Variants in EIF2S2 observed in about 807,000 individuals in gnomAD.
The protein encoded by EIF2S2 is eukaryotic translation initiation factor 2 subunit beta.
EIF2S2 carries 4 observed loss-of-function variants against 44.0 expected under a neutral mutation model. The ratio of observed to expected loss-of-function variants is 0.09; its 90% confidence interval spans 0.04 to 0.21. The LOEUF (loss-of-function observed/expected upper bound fraction) is 0.21. EIF2S2 is among the 10% of genes least tolerant of loss of function. EIF2S2 has a pLI of 1.00. For synonymous variants in EIF2S2, 108 were observed against 128.3 expected (o/e 0.84, Z 1.07); for missense variants, 154 against 392.0 (o/e 0.39, Z 5.13).
At chr20:34,097,558 CTACAA>C in intron 4 of EIF2S2, 42 bp from the exon 5 acceptor site, 1 of 1,542,048 alleles carries the variant, frequency 6.5e-7, no homozygotes, top group Non-Finnish European at 8.9e-7. Context: ...GTGGGCCCTA[CTACAA>C]TACAAAAGTG....
At chr20:34,104,499 T>C (rs893461628) in intron 2 of EIF2S2, among the ~76,000 whole-genome samples, 1 of 152,180 alleles carries the variant, frequency 6.6e-6, no homozygotes, top group Non-Finnish European at 1.5e-5. Flanking sequence ...ATATGCCTTG[T>C]TCACCTAAAT....
In EIF2S2 at chr20:34,088,974, A is replaced by G. The variant is rs373932006; in HGVS notation, c.*756T>C. 6.6e-6 allele frequency: 1 copy of G among 152,616 alleles called. No homozygotes were observed. The highest frequency in any genetic ancestry group is 1.9e-4 in the East Asian group (1 of 5,168). The allele number at this position is 152,616 out of a possible 1,614,324, so 9.5% of individuals were successfully genotyped here. A position where few individuals can be genotyped will look rare whatever the true frequency, so the allele number is the denominator to read the frequency against. On this transcript the variant is annotated 3_prime_UTR_variant, in exon 9 of 9. Coordinates refer to ENST00000374980, the MANE Select transcript of EIF2S2 (RefSeq NM_003908.5). ...ACCGCACACACATCGCTTCCTCACCAAGAGAGATGCTCAACTAGGATCTTT... is the reference window on the plus strand; with the variant it reads ...ACCGCACACACATCGCTTCCTCACCGAGAGAGATGCTCAACTAGGATCTTT...
In EIF2S2 at chr20:34,093,704, A is replaced by G. The variant is rs1467413622; in HGVS notation, c.711T>C (p.Leu237=). The G allele has an allele frequency of 1.9e-6, 3 of 1,609,148 alleles. No individual in the cohort carries two copies. The South Asian group carries it at 3.3e-5, about 18-fold the overall frequency. Residue 237 remains leucine (L), a synonymous_variant, in exon 7 of 9, where the codon CTT becomes CTC. Transcript: ENST00000374980. ...KLLHRQPKHL[L]AFLLAELGTS... ...TACCCAATTCAGCCAACAAAAATGC[A>G]AGGAGATGTTTGGGCTGACGATGTA...
At chr20:34,097,640 C>T (rs1471115921) in intron 4 of EIF2S2, 124 bp from the exon 5 acceptor site, 2 of 685,474 alleles carry the variant, frequency 2.9e-6, no homozygotes, top group Non-Finnish European at 4.8e-6. Flanking sequence ...GCATTCACAA[C>T]AGCCTTAAGC....
chr20:34,088,577 T>C lies in EIF2S2; in HGVS notation c.*1153A>G, dbSNP rs2122379653. On this transcript the variant is annotated 3_prime_UTR_variant, in exon 9 of 9. Coordinates refer to ENST00000374980, the MANE Select transcript of EIF2S2 (RefSeq NM_003908.5). ...ATTAAAAACAACACAGTCAAGACATTTGGGTCTGAGTGACTGCTCCTGAGC... is the reference window on the plus strand; with the variant it reads ...ATTAAAAACAACACAGTCAAGACATCTGGGTCTGAGTGACTGCTCCTGAGC... The C allele has an allele frequency of 6.5e-6, 1 of 152,684 alleles. No individual in the cohort carries two copies. Among genetic ancestry groups the C allele is most frequent in the South Asian group, 2.1e-4 (1 of 4,818 alleles). The allele number at this position is 152,684 out of a possible 1,614,324, so 9.5% of individuals were successfully genotyped here.
chr20:34,092,847 A>G (rs1193581644), intron 7 of EIF2S2, among the ~76,000 whole-genome samples: 1 of 152,234 alleles, frequency 6.6e-6, no homozygotes, highest in African/African-American at 2.4e-5. Context: ...ACAGGTGTCA[A>G]GCCTGTTAGG....
At chr20:34,089,930 T>C (rs2034143667) in intron 8 of EIF2S2, 25 bp from the exon 9 acceptor site, 3 of 1,603,440 alleles carry the variant, frequency 1.9e-6, no homozygotes, top group South Asian at 2.2e-5. Context: ...ACACACAGAA[T>C]TACCTGGTGG....
chr20:34,111,624 G>A (rs1376085357), intron 1 of EIF2S2, among the ~76,000 whole-genome samples: 1 of 152,176 alleles, frequency 6.6e-6, no homozygotes, highest in Admixed American at 6.5e-5. Context: ...GGCAAACAAG[G>A]GCGGGATACC....
In EIF2S2 at chr20:34,096,157, T is replaced by TGAGCCTCCTCACTCTTCACTACATC. The variant is rs1288924623; in HGVS notation, c.683+475_683+499dup. ...CTCCCAAGGCTCCTGAGAACTACAT[T>TGAGCCTCCTCACTCTTCACTACATC]GAGCCTCCTCACTCTTCACTACATC... On this transcript the variant is annotated intron_variant, in intron 6 of 8. Coordinates refer to ENST00000374980, the MANE Select transcript of EIF2S2 (RefSeq NM_003908.5). 2.6e-4 allele frequency among the ~76,000 whole-genome samples: 39 copies of TGAGCCTCCTCACTCTTCACTACATC among 152,166 alleles called. No homozygotes were observed. In the East Asian group the frequency reaches 5.0e-3, roughly 20 times the overall value.
chr20:34,092,398 C>T (rs1323764196), intron 7 of EIF2S2, among the ~76,000 whole-genome samples: 2 of 152,146 alleles, frequency 1.3e-5, no homozygotes, highest in East Asian at 1.9e-4. Flanking sequence ...ATGCTGGGTG[C>T]GGTGGCTCAC....
At chr20:34,107,207 G>C (rs1299860178) in intron 1 of EIF2S2, among the ~76,000 whole-genome samples, 1 of 151,872 alleles carries the variant, frequency 6.6e-6, no homozygotes, top group Non-Finnish European at 1.5e-5. Context: ...CAGGGTCTTT[G>C]AAGTCAAATA....
rs555166791 is a variant in EIF2S2, at chr20:34,088,949, A to G, written c.*781T>C. 4.6e-5 allele frequency: 7 copies of G among 152,670 alleles called. No homozygotes were observed. The highest frequency in any genetic ancestry group is 4.6e-4 in the Admixed American group (7 of 15,300). 9.5% of individuals were successfully genotyped at this position (152,670 alleles called of 1,614,324 possible). ...TCCTCCTCTTGGAGGAGTTTCCTGA[A>G]CCGCACACACATCGCTTCCTCACCA... On this transcript the variant is annotated 3_prime_UTR_variant, in exon 9 of 9. Coordinates refer to ENST00000374980, the MANE Select transcript of EIF2S2 (RefSeq NM_003908.5).
chr20:34,106,307 AT>A (rs1323480350), intron 1 of EIF2S2, among the ~76,000 whole-genome samples: 3 of 151,970 alleles, frequency 2.0e-5, no homozygotes, highest in Non-Finnish European at 4.4e-5. Flanking sequence ...AAAAAACAAA[AT>A]TTTTTTTAAC....
intron 2 of EIF2S2, among the ~76,000 whole-genome samples, chr20:34,103,809 C>T (rs1418675898): frequency 1.3e-5 from 2 of 151,940 alleles, no homozygotes; most frequent in African/African-American, 4.8e-5. Flanking sequence ...TGGGTTCAAG[C>T]GGTTCTCCTG....
intron 3 of EIF2S2, among the ~76,000 whole-genome samples, chr20:34,101,368 G>A (rs2034293216): frequency 2.0e-5 from 3 of 152,124 alleles, no homozygotes; most frequent in Admixed American, 1.3e-4. Flanking sequence ...CCCAGGAGAC[G>A]GAGGTTGCAG....
chr20:34,100,804 C>A (rs952832946), intron 3 of EIF2S2, among the ~76,000 whole-genome samples: 1 of 152,094 alleles, frequency 6.6e-6, no homozygotes, highest in Admixed American at 6.6e-5. Flanking sequence ...TAAAGCTTGA[C>A]CCCAAGATTA....
intron 2 of EIF2S2, among the ~76,000 whole-genome samples, chr20:34,104,170 T>C (rs555978411): frequency 2.1e-4 from 32 of 152,308 alleles, no homozygotes; most frequent in South Asian, 4.1e-4. Flanking sequence ...AATTTCCAAC[T>C]CTCCAACTTT....
intron 2 of EIF2S2, among the ~76,000 whole-genome samples, chr20:34,104,894 T>C (rs1034309114): frequency 6.6e-6 from 1 of 152,256 alleles, no homozygotes; most frequent in African/African-American, 2.4e-5. Flanking sequence ...ACACATACAA[T>C]GTTTATAGAA....
At chr20:34,102,725 G>A (rs776212666) in intron 3 of EIF2S2, among the ~76,000 whole-genome samples, 21 of 152,098 alleles carry the variant, frequency 1.4e-4, no homozygotes, top group Admixed American at 1.1e-3. Flanking sequence ...TGTGTGTACT[G>A]CTATTATCTT....
Sources: gnomAD v4.1 joint callset for allele counts (sites outside exome capture counted in the v4.1 genomes callset) on GRCh38, gnomAD v4.1.1 for gene constraint, MANE v1.5 for transcripts, NCBI Gene and HGNC (gene_info 2026-07-23, HGNC 2026-07-21) for gene names.